The following CRISPLD1 variants were observed in gnomAD, a reference collection of about 807,000 sequenced individuals.
The protein encoded by CRISPLD1 is cysteine-rich secretory protein LCCL domain-containing 1.
A neutral mutation model predicts 77.5 loss-of-function variants in CRISPLD1; 60 were observed. The ratio of observed to expected loss-of-function variants is 0.77; its 90% confidence interval spans 0.63 to 0.96. CRISPLD1 has a LOEUF of 0.96. CRISPLD1 is among the 40% of genes least tolerant of loss of function. CRISPLD1 has a pLI of 0.00. For synonymous variants in CRISPLD1, 195 were observed against 200.1 expected, an observed-to-expected ratio of 0.97 and a Z score of 0.22; for missense variants, 623 against 615.8, an observed-to-expected ratio of 1.01 and a Z score of -0.12.
intron 14 of CRISPLD1, among the ~76,000 whole-genome samples, 160 bp from the exon 15 acceptor site, chr8:75,032,031 C>T (rs1175972829): frequency 1.3e-5 from 2 of 151,886 alleles, no homozygotes; most frequent in African/African-American, 2.4e-5. Context: ...CATCCTCATT[C>T]GAGCTTTCCA....
At chr8:75,020,171 C>T (rs1265302573) in intron 12 of CRISPLD1, 92 bp downstream of exon 12, 4 of 1,012,922 alleles carry the variant, frequency 3.9e-6, no homozygotes, top group Non-Finnish European at 6.2e-6. Flanking sequence ...GTTGTATAAT[C>T]TTGAACTTCT....
chr8:75,021,571 A>T (rs1220509500), intron 12 of CRISPLD1, among the ~76,000 whole-genome samples: 2 of 152,186 alleles, frequency 1.3e-5, no homozygotes, highest in Admixed American at 1.3e-4. Flanking sequence ...CCACCAATGA[A>T]TTATATGCTG....
At chr8:75,005,103 A>C (rs1278036048) in intron 2 of CRISPLD1, among the ~76,000 whole-genome samples, 1 of 152,138 alleles carries the variant, frequency 6.6e-6, no homozygotes, top group African/African-American at 2.4e-5. Context: ...CGGCTTCTCA[A>C]ACAGCAGTTT....
intron 2 of CRISPLD1, among the ~76,000 whole-genome samples, chr8:74,989,959 G>A (rs1812547928): frequency 6.6e-6 from 1 of 152,086 alleles, no homozygotes; most frequent in South Asian, 2.1e-4. Flanking sequence ...TTGCAGCAAT[G>A]TGAATGGGAC....
intron 2 of CRISPLD1, among the ~76,000 whole-genome samples, chr8:74,997,322 A>G (rs1402665534): frequency 1.3e-5 from 2 of 152,142 alleles, no homozygotes; most frequent in South Asian, 2.1e-4. Context: ...TTTTGCTGAA[A>G]ATAATGTGAA....
chr8:74,986,932 T>C (rs979599561), intron 2 of CRISPLD1, among the ~76,000 whole-genome samples: 2 of 152,172 alleles, frequency 1.3e-5, no homozygotes, highest in African/African-American at 4.8e-5. Flanking sequence ...AACTCATGAG[T>C]ATACTGCCAT....
intron 2 of CRISPLD1, among the ~76,000 whole-genome samples, chr8:75,011,754 G>A (rs1812935134): frequency 6.6e-6 from 1 of 151,930 alleles, no homozygotes; most frequent in African/African-American, 2.4e-5. Context: ...TATTTAACAA[G>A]CATTTATTAA....
intron 2 of CRISPLD1, among the ~76,000 whole-genome samples, chr8:75,001,755 A>T (rs1249541537): frequency 1.3e-5 from 2 of 152,088 alleles, no homozygotes; most frequent in African/African-American, 4.8e-5. Flanking sequence ...GCTTGGTCAG[A>T]TTTTCCCAAA....
At chr8:75,013,484 A>T (rs1023089617) in intron 4 of CRISPLD1, among the ~76,000 whole-genome samples, 19 of 152,160 alleles carry the variant, frequency 1.2e-4, no homozygotes, top group African/African-American at 4.3e-4. Flanking sequence ...GATCAGACTT[A>T]TTATCAGTGA....
At chr8:75,002,279 C>A (rs1256203062) in intron 2 of CRISPLD1, among the ~76,000 whole-genome samples, 1 of 149,724 alleles carries the variant, frequency 6.7e-6, no homozygotes, top group Non-Finnish European at 1.5e-5. Context: ...AGCAATGTTC[C>A]CAATGTGAAG....
intron 2 of CRISPLD1, among the ~76,000 whole-genome samples, chr8:74,997,682 G>T (rs1812667137): frequency 6.6e-6 from 1 of 152,186 alleles, no homozygotes; most frequent in South Asian, 2.1e-4. Flanking sequence ...AAAGAAGTTA[G>T]CTGAGAACCA....
At chr8:75,000,198 T>G in intron 2 of CRISPLD1, 1 of 985,188 alleles carries the variant, frequency 1.0e-6, no homozygotes, top group South Asian at 4.7e-5. Flanking sequence ...TAATAAAACA[T>G]GAAACTATAT....
At chr8:75,017,589 T>TG in intron 10 of CRISPLD1, 139 bp downstream of exon 10, 15 of 768,688 alleles carry the variant, frequency 2.0e-5, no homozygotes, top group Non-Finnish European at 1.9e-6. Flanking sequence ...TAGCTTGTAG[T>TG]TTTCTTAGAC....
intron 13 of CRISPLD1, among the ~76,000 whole-genome samples, chr8:75,026,023 C>T (rs1432897096): frequency 6.6e-6 from 1 of 152,130 alleles, no homozygotes; most frequent in African/African-American, 2.4e-5. Flanking sequence ...AGCATAGAGT[C>T]ATAGAGATGC....
intron 2 of CRISPLD1, among the ~76,000 whole-genome samples, chr8:74,990,134 G>T (rs1812550954): frequency 6.6e-6 from 1 of 152,068 alleles, no homozygotes; most frequent in South Asian, 2.1e-4. Flanking sequence ...GAGAAATTAT[G>T]TAACGTGTAT....
intron 2 of CRISPLD1, among the ~76,000 whole-genome samples, chr8:75,010,347 T>G: frequency 6.6e-6 from 1 of 152,104 alleles, no homozygotes; most frequent in East Asian, 1.9e-4. Context: ...GGTGTTTTCC[T>G]TTTGGCGTAT....
In CRISPLD1 at chr8:74,985,922, A is replaced by G. The variant is rs773723214; in HGVS notation, c.-62-4A>G. ...CATCTTAATCACATGACATGTCGTTATAGCCAAAAGGAGTGGAAGAGCCTG... is the reference window on the plus strand; with the variant it reads ...CATCTTAATCACATGACATGTCGTTGTAGCCAAAAGGAGTGGAAGAGCCTG... On this transcript the variant is annotated splice_region_variant and splice_polypyrimidine_tract_variant and intron_variant, in intron 1 of 14. Transcript: ENST00000262207. 5 of 1,516,064 alleles carry G rather than the reference A, an allele frequency of 3.3e-6. No individual in the cohort carries two copies. The highest frequency in any genetic ancestry group is 4.6e-5 in the East Asian group (2 of 43,906). The allele number at this position is 1,516,064 out of a possible 1,614,324, so 93.9% of individuals were successfully genotyped here. A position where few individuals can be genotyped will look rare whatever the true frequency, so the allele number is the denominator to read the frequency against.
chr8:74,985,356 C>CG (rs1442387062), intron 1 of CRISPLD1, among the ~76,000 whole-genome samples: 3 of 152,068 alleles, frequency 2.0e-5, no homozygotes, highest in African/African-American at 7.2e-5. Context: ...CAGTAGTTCA[C>CG]GGGGCCCCCT....
chr8:75,029,332 G>A (rs1479874969), intron 13 of CRISPLD1, 55 bp from the exon 14 acceptor site: 3 of 1,567,116 alleles, frequency 1.9e-6, no homozygotes, highest in South Asian at 1.2e-5. Context: ...AGAATAGGCT[G>A]GACAAGTCCA....
Sources: allele counts gnomAD v4.1 joint callset (sites outside exome capture counted in the v4.1 genomes callset), GRCh38; gene constraint gnomAD v4.1.1; transcripts MANE v1.5; gene names NCBI Gene and HGNC (gene_info 2026-07-23, HGNC 2026-07-21).